LMOD1: variants seen among roughly 807,000 people sequenced by gnomAD.
LMOD1 encodes leiomodin-1.
Under a neutral mutation model 36.5 loss-of-function variants are expected in LMOD1, and 8 were observed. That is an observed-to-expected ratio of 0.22 (90% CI 0.13 to 0.40). The LOEUF (loss-of-function observed/expected upper bound fraction) is 0.40, where lower values mean the gene tolerates loss of function less well. LMOD1 is among the 10% of genes least tolerant of loss of function. LMOD1 has a pLI of 1.00. For missense variants in LMOD1, 630 were observed against 751.1 expected, an observed-to-expected ratio of 0.84 and a Z score of 1.88; for synonymous variants, 284 against 288.7, an observed-to-expected ratio of 0.98 and a Z score of 0.17.
chr1:201,896,503 C>T lies in LMOD1; in HGVS notation c.*1869G>A, dbSNP rs972297789. ...GTGTGATCATGGATATATTAGTTAA[C>T]CTCTCTGGGCCAAATTCTATCTGCA... On this transcript the variant is annotated 3_prime_UTR_variant, in exon 3 of 3. Transcript: ENST00000367288. The T allele has an allele frequency of 1.5e-5, 7 of 456,588 alleles. No homozygotes were observed. The highest frequency in any genetic ancestry group is 1.4e-4 in the African/African-American group (7 of 50,064). The allele number at this position is 456,588 out of a possible 1,614,324, so 28.3% of individuals were successfully genotyped here.
chr1:201,926,091 C>T (rs1181138974), intron 1 of LMOD1, among the ~76,000 whole-genome samples: 1 of 152,166 alleles, frequency 6.6e-6, no homozygotes, highest in East Asian at 1.9e-4. Context: ...ATCTATACTG[C>T]ATACAAACCG....
chr1:201,929,789 G>A (rs1681888556), intron 1 of LMOD1, among the ~76,000 whole-genome samples: 1 of 152,184 alleles, frequency 6.6e-6, no homozygotes, highest in African/African-American at 2.4e-5. Flanking sequence ...ATGAATAAGA[G>A]TCAGCCCTCA....
Position 201,900,597 on chromosome 1 carries a change from T to A in LMOD1, c.416A>T (p.Asp139Val). 1 of 1,613,916 alleles carries A rather than the reference T, an allele frequency of 6.2e-7. No individual in the cohort carries two copies. Among genetic ancestry groups the A allele is most frequent in the Non-Finnish European group, 8.5e-7 (1 of 1,179,890 alleles). ...GLKKSFSRDR[D>V]EAGGKSGEKP... Reference sequence around the variant, plus strand: ...CTCGCCACTCTTGCCACCAGCTTCATCTCTGTCTCTAGAGAAGCTTTTCTT... The same window carrying A: ...CTCGCCACTCTTGCCACCAGCTTCAACTCTGTCTCTAGAGAAGCTTTTCTT... The change falls in exon 2 of 3, where the codon GAT becomes GTT. Residue 139 changes from aspartate to valine, a missense_variant. Coordinates refer to ENST00000367288, the MANE Select transcript of LMOD1 (RefSeq NM_012134.3).
chr1:201,917,675 T>G (rs1681633902), intron 1 of LMOD1, among the ~76,000 whole-genome samples: 1 of 152,354 alleles, frequency 6.6e-6, no homozygotes, highest in Admixed American at 6.5e-5. Context: ...CTCTCTGAAG[T>G]GCCTGGCTAG....
intron 1 of LMOD1, among the ~76,000 whole-genome samples, chr1:201,921,105 G>A (rs73090463): frequency 0.013 from 1,921 of 152,090 alleles, 45 homozygotes; most frequent in African/African-American, 0.044. Context: ...TAACCATGGC[G>A]GGGAATATGG....
chr1:201,901,497 T>A (rs1420638021), intron 1 of LMOD1, among the ~76,000 whole-genome samples: 1 of 108,158 alleles, frequency 9.2e-6, no homozygotes, highest in African/African-American at 3.5e-5. Context: ...AGCGAAACTC[T>A]GTCTCAAAAA....
chr1:201,901,583 T>TAC (rs71141422), intron 1 of LMOD1, among the ~76,000 whole-genome samples: 339 of 18,408 alleles, frequency 0.018, 32 homozygotes, highest in African/African-American at 0.052. Context: ...TATATATATA[T>TAC]ACATATATAT....
intron 1 of LMOD1, among the ~76,000 whole-genome samples, chr1:201,914,310 A>C (rs1194048445): frequency 6.6e-6 from 1 of 152,164 alleles, no homozygotes; most frequent in East Asian, 1.9e-4. Context: ...AAGTGGCGCC[A>C]ATGCTGAGGA....
rs1371045054 is a variant in LMOD1, at chr1:201,899,136, C to T, written c.1776+101G>A. ...CCCTGGGAGTCTATATCATCTGCAGCCGACATAAGCTCCTCTGCATGCCTT... is the reference window on the plus strand; with the variant it reads ...CCCTGGGAGTCTATATCATCTGCAGTCGACATAAGCTCCTCTGCATGCCTT... On this transcript the variant is annotated intron_variant, in intron 2 of 2. Coordinates refer to ENST00000367288, the MANE Select transcript of LMOD1 (RefSeq NM_012134.3). The surrounding 1 kb of genome is among the most constrained non-coding windows in gnomAD (Gnocchi z 6.3). 2.0e-5 allele frequency: 22 copies of T among 1,087,692 alleles called. No individual in the cohort carries two copies. Among genetic ancestry groups the T allele is most frequent in the Non-Finnish European group, 2.7e-5 (21 of 775,496 alleles). The allele number at this position is 1,087,692 out of a possible 1,614,324, so 67.4% of individuals were successfully genotyped here. A position where few individuals can be genotyped will look rare whatever the true frequency, so the allele number is the denominator to read the frequency against.
At chr1:201,943,091 T>C (rs1682147871) in intron 1 of LMOD1, among the ~76,000 whole-genome samples, 1 of 152,210 alleles carries the variant, frequency 6.6e-6, no homozygotes, top group Non-Finnish European at 1.5e-5. Flanking sequence ...TATCAGCCAA[T>C]ATAAGAATTT....
At chr1:201,917,341 A>G (rs1681629017) in intron 1 of LMOD1, among the ~76,000 whole-genome samples, 1 of 152,052 alleles carries the variant, frequency 6.6e-6, no homozygotes, top group Non-Finnish European at 1.5e-5. Flanking sequence ...CCTACCACCA[A>G]GGCTTCTGCA....
intron 1 of LMOD1, among the ~76,000 whole-genome samples, chr1:201,941,773 G>A (rs945154998): frequency 1.3e-5 from 2 of 152,180 alleles, no homozygotes; most frequent in Non-Finnish European, 2.9e-5. Context: ...AGGTTGCTTC[G>A]GGTTTGCTTC....
chr1:201,910,065 C>T (rs961806838), intron 1 of LMOD1, among the ~76,000 whole-genome samples: 1 of 152,140 alleles, frequency 6.6e-6, no homozygotes, highest in African/African-American at 2.4e-5. Context: ...TGCAAGACAC[C>T]GTGCTAATAA....
At chr1:201,912,894 C>T (rs976478891) in intron 1 of LMOD1, among the ~76,000 whole-genome samples, 1 of 152,066 alleles carries the variant, frequency 6.6e-6, no homozygotes, top group African/African-American at 2.4e-5. Context: ...AAAACAAAAA[C>T]AAACTTCCTG....
chr1:201,933,974 A>G (rs1681972513), intron 1 of LMOD1, among the ~76,000 whole-genome samples: 1 of 152,162 alleles, frequency 6.6e-6, no homozygotes, highest in Non-Finnish European at 1.5e-5. Context: ...TTGCAAGTCC[A>G]GTGCTTGTCC....
chr1:201,909,491 C>T (rs1558236467), intron 1 of LMOD1, among the ~76,000 whole-genome samples: 1 of 152,202 alleles, frequency 6.6e-6, no homozygotes, highest in African/African-American at 2.4e-5. Context: ...AGCAATCCTC[C>T]TGCCTTGGCC....
intron 1 of LMOD1, among the ~76,000 whole-genome samples, chr1:201,917,216 A>C (rs1681626889): frequency 6.6e-6 from 1 of 152,130 alleles, no homozygotes; most frequent in African/African-American, 2.4e-5. Context: ...TTCTAGTGAA[A>C]GGGATGGTAA....
In LMOD1 at chr1:201,933,595, T is replaced by TTATATATATATATATATATATATA. The variant is rs71141426; in HGVS notation, c.261+12461_261+12484dup. Among the ~76,000 whole-genome samples, 258 of 62,894 alleles carry TTATATATATATATATATATATATA rather than the reference T, an allele frequency of 4.1e-3. 4 individuals are homozygous for TTATATATATATATATATATATATA. Among genetic ancestry groups the TTATATATATATATATATATATATA allele is most frequent in the Non-Finnish European group, 7.0e-3 (194 of 27,700 alleles). 41.3% of individuals were successfully genotyped at this position (62,894 alleles called of 152,430 possible). A position where few individuals can be genotyped will look rare whatever the true frequency, so the allele number is the denominator to read the frequency against. On this transcript the variant is annotated intron_variant, in intron 1 of 2. Transcript: ENST00000367288. Reference sequence around the variant, plus strand: ...TTATATATGTACACATATACATACATTATATATATATATATATATATATAT... The same window carrying TTATATATATATATATATATATATA: ...TTATATATGTACACATATACATACATTATATATATATATATATATATATATATATATATATATATATATATATAT...
Position 201,899,142 on chromosome 1 carries a change from TA to T in LMOD1, c.1776+94del. 8.6e-7 allele frequency: 1 copy of T among 1,163,092 alleles called. No individual in the cohort carries two copies. The allele number at this position is 1,163,092 out of a possible 1,614,324, so 72.0% of individuals were successfully genotyped here. On this transcript the variant is annotated intron_variant, in intron 2 of 2. Transcript: ENST00000367288. The surrounding 1 kb of genome is among the most constrained non-coding windows in gnomAD (Gnocchi z 6.3). ...GAGTCTATATCATCTGCAGCCGACA[TA>T]AGCTCCTCTGCATGCCTTCCCTTTT...
Sources: allele counts gnomAD v4.1 joint callset (sites outside exome capture counted in the v4.1 genomes callset), GRCh38; gene constraint gnomAD v4.1.1; non-coding constraint Gnocchi (gnomAD v3.1); transcripts MANE v1.5; gene names NCBI Gene and HGNC (gene_info 2026-07-23, HGNC 2026-07-21).